THOC2: variants seen among roughly 807,000 people sequenced by gnomAD.
The protein encoded by THOC2 is THO complex 2.
In THOC2, 10 loss-of-function variants were observed where a neutral mutation model predicts 128.4. The ratio of observed to expected loss-of-function variants is 0.08; its 90% CI spans 0.05 to 0.13. The LOEUF (loss-of-function observed/expected upper bound fraction) is 0.13. Among genes scored for constraint, THOC2 ranks in the 10% least tolerant of loss-of-function variants. THOC2 has a pLI of 1.00. For missense variants in THOC2, 535 were observed against 1,155.7 expected (o/e 0.46, Z 7.79); for synonymous variants, 393 against 396.9 (o/e 0.99, Z 0.12).
chrX:123,623,916 A>G lies in THOC2; in HGVS notation c.3374T>C (p.Ile1125Thr), dbSNP rs959968169. Residue 1125 changes from isoleucine (I) to threonine (T), a missense_variant, in exon 28 of 39, where the codon ATT becomes ACT. Coordinates refer to ENST00000245838, the MANE Select transcript of THOC2 (RefSeq NM_001081550.2). Reference sequence around the variant, plus strand: ...CCAAGGAAGTATTTTTGTTAGCACAATCAAGATATTCCTGATGTGAGTATA... The same window carrying G: ...CCAAGGAAGTATTTTTGTTAGCACAGTCAAGATATTCCTGATGTGAGTATA... ...GEYTHIRNIL[I>T]VLTKILPWYP... 3.3e-6 allele frequency: 4 copies of G among 1,210,117 alleles called. No individual in the cohort carries two copies. The highest frequency in any genetic ancestry group is 4.5e-6 in the Non-Finnish European group (4 of 894,989).
At chrX:123,676,258 A>G (rs1252479163) in intron 8 of THOC2, among the ~76,000 whole-genome samples, 1 of 111,875 alleles carries the variant, frequency 8.9e-6, no homozygotes, top group East Asian at 2.8e-4. Flanking sequence ...CCCTGAGAAT[A>G]CTCCCAGTCA....
chrX:123,627,047 G>T (rs781382947), intron 23 of THOC2, among the ~76,000 whole-genome samples: 7 of 112,396 alleles, frequency 6.2e-5, no homozygotes, highest in African/African-American at 2.3e-4. Context: ...TAGTCAAAAA[G>T]CATCTTTCAT....
intron 32 of THOC2, chrX:123,620,553 A>G (rs376840128): frequency 6.2e-6 from 1 of 160,437 alleles, no homozygotes. Flanking sequence ...ATTCTTCAAT[A>G]TGCTGAAAAA....
intron 4 of THOC2, among the ~76,000 whole-genome samples, 164 bp downstream of exon 4, chrX:123,703,290 T>C (rs1178206788): frequency 8.9e-6 from 1 of 112,172 alleles, no homozygotes; most frequent in Non-Finnish European, 1.9e-5. Context: ...TTTATAACAT[T>C]GATTATGACA....
rs749432379 is a variant in THOC2, at chrX:123,712,866, A to G, written c.114T>C (p.Asp38=). ...AAATCTTACCTCTGTATGTTGAACT[A>G]TCATGGCTTTTATTTTCACTGAGGA... ...CRILSENKSH[D]SSTYRDFQQA... Residue 38 remains aspartate, a synonymous_variant, in exon 2 of 39, where the codon GAT becomes GAC. Transcript: ENST00000245838. 8.5e-7 allele frequency: 1 copy of G among 1,173,970 alleles called. No homozygotes were observed. The highest frequency in any genetic ancestry group is 1.1e-6 in the Non-Finnish European group (1 of 873,391).
rs1177548007 is a variant in THOC2 at position 123,636,093 on chromosome X, T to C, written c.2004A>G (p.Leu668=). 1 of 1,208,122 alleles carries C rather than the reference T, an allele frequency of 8.3e-7. No individual in the cohort carries two copies. The highest frequency in any genetic ancestry group is 1.1e-6 in the Non-Finnish European group (1 of 893,419). The part of the protein sequence containing the change: ...AGLLQYVANQ[L]KAGKSFDLLI... ...GCTATGAATACCTTTTGCCCGCCTT[T>C]AGCTGATTGGCAACATACTGAAGAA... is the stretch of plus-strand genomic sequence containing the variant. The change falls in exon 19 of 39, where the codon CTA becomes CTG. Residue 668 remains leucine, a synonymous_variant. Coordinates refer to ENST00000245838, the MANE Select transcript of THOC2 (RefSeq NM_001081550.2).
intron 2 of THOC2, among the ~76,000 whole-genome samples, chrX:123,710,650 G>T (rs1246872857): frequency 1.8e-5 from 2 of 110,434 alleles, no homozygotes; most frequent in African/African-American, 3.3e-5. Context: ...CTTAAAACAG[G>T]TCTTACCCAT....
intron 36 of THOC2, among the ~76,000 whole-genome samples, chrX:123,612,204 T>C (rs1569320992): frequency 9.0e-6 from 1 of 111,702 alleles, no homozygotes; most frequent in Non-Finnish European, 1.9e-5. Flanking sequence ...AATAGGTGTT[T>C]GAACAAATAC....
chrX:123,719,751 T>C (rs998376218), intron 1 of THOC2, among the ~76,000 whole-genome samples: 2 of 104,126 alleles, frequency 1.9e-5, no homozygotes, highest in Admixed American at 1.1e-4. Context: ...CTGAACAACA[T>C]AGCAAGACCC....
intron 36 of THOC2, among the ~76,000 whole-genome samples, chrX:123,611,986 C>T (rs1258993732): frequency 9.0e-6 from 1 of 110,499 alleles, no homozygotes; most frequent in Non-Finnish European, 1.9e-5. Context: ...TTCACACTTA[C>T]TGGAATGGCT....
intron 19 of THOC2, among the ~76,000 whole-genome samples, chrX:123,635,644 C>G (rs2147656030): frequency 8.9e-6 from 1 of 111,799 alleles, no homozygotes; most frequent in South Asian, 3.7e-4. Flanking sequence ...ATCTCTAAAA[C>G]TCAAATTCAA....
intron 16 of THOC2, 32 bp downstream of exon 16, chrX:123,640,506 T>A (rs745696463): frequency 9.6e-7 from 1 of 1,038,149 alleles, no homozygotes; most frequent in Non-Finnish European, 1.3e-6. Flanking sequence ...GAAAGAAAAA[T>A]CCCTTAAAAT....
At chrX:123,617,978 T>A (rs894017755) in intron 33 of THOC2, among the ~76,000 whole-genome samples, 4 of 111,739 alleles carry the variant, frequency 3.6e-5, no homozygotes, top group African/African-American at 1.3e-4. Flanking sequence ...GAATATAAAT[T>A]AAGTTTTCCA....
At chrX:123,629,206 A>AACACCACACAC (rs2047381883) in intron 22 of THOC2, among the ~76,000 whole-genome samples, 1 of 81,962 alleles carries the variant, frequency 1.2e-5, no homozygotes, top group Non-Finnish European at 2.3e-5. Context: ...ATTATACATG[A>AACACCACACAC]ACACACACAC....
At chrX:123,603,932 C>T in intron 38 of THOC2, 1 of 129,846 alleles carries the variant, frequency 7.7e-6, no homozygotes, top group Non-Finnish European at 1.5e-5. Context: ...AAGAAAGTTG[C>T]ATAGTGATGA....
In THOC2 at chrX:123,623,259, T is replaced by C. The variant is rs374722179; in HGVS notation, c.3528A>G (p.Arg1176=). 8.3e-7 allele frequency: 1 copy of C among 1,204,029 alleles called. No individual in the cohort carries two copies. The highest frequency in any genetic ancestry group is 2.2e-5 in the Admixed American group (1 of 44,892). The change falls in exon 29 of 39, where the codon AGA becomes AGG. Residue 1176 remains arginine, a synonymous_variant. Coordinates refer to ENST00000245838, the MANE Select transcript of THOC2 (RefSeq NM_001081550.2). The stretch of plus-strand genomic sequence containing the variant: ...CATTTTCAGGTATCATGTATGACTT[T>C]CTACTTTTCAACTGCCCAGAGTAGC... ...AMGYSGQLKS[R]KSYMIPENEF... is the part of the protein sequence containing the mutation.
At chrX:123,700,232 A>G (rs1365566535) in intron 4 of THOC2, among the ~76,000 whole-genome samples, 1 of 109,068 alleles carries the variant, frequency 9.2e-6, no homozygotes, top group Non-Finnish European at 1.9e-5. Flanking sequence ...CGGGCGTGGT[A>G]GCTCAAGCCT....
At chrX:123,669,568 G>C (rs370053609) in intron 9 of THOC2, among the ~76,000 whole-genome samples, 4 of 111,161 alleles carry the variant, frequency 3.6e-5, no homozygotes, top group African/African-American at 6.5e-5. Context: ...TGCCCGCCTT[G>C]GCCTCCCAAA....
intron 15 of THOC2, among the ~76,000 whole-genome samples, chrX:123,641,334 A>G (rs1280185136): frequency 2.7e-5 from 3 of 112,030 alleles, no homozygotes; most frequent in African/African-American, 6.5e-5. Context: ...GACAGGAAGG[A>G]AGCTTTCTAG....
Sources: allele counts gnomAD v4.1 joint callset (sites outside exome capture counted in the v4.1 genomes callset), GRCh38; gene constraint gnomAD v4.1.1; transcripts MANE v1.5; gene names NCBI Gene and HGNC (gene_info 2026-07-23, HGNC 2026-07-21).